MPDU1: variants seen among roughly 807,000 people sequenced by gnomAD.
MPDU1 encodes the protein mannose-P-dolichol utilization defect 1 protein.
MPDU1 carries 18 observed loss-of-function variants against 27.6 expected under a neutral mutation model. The observed-to-expected ratio is 0.65, with a 90% confidence interval of 0.45 to 0.97. MPDU1 has a LOEUF of 0.97. MPDU1 is among the 50% of genes least tolerant of loss of function. MPDU1 has a pLI of 0.00. For missense variants in MPDU1, 279 were observed against 297.4 expected, an observed-to-expected ratio of 0.94 and a Z score of 0.46; for synonymous variants, 142 against 131.1, an observed-to-expected ratio of 1.08 and a Z score of -0.57.
rs2302661 is a variant in MPDU1 at position 7,587,061 on chromosome 17, G to T, written c.507+44G>T. 32 of 1,451,758 alleles carry T rather than the reference G, an allele frequency of 2.2e-5. No individual in the cohort carries two copies. In the East Asian group the frequency reaches 3.4e-4, roughly 16 times the overall value. The allele number at this position is 1,451,758 out of a possible 1,614,324, so 89.9% of individuals were successfully genotyped here. ...GGACAAGATGTTGTGGGGGCAGGGTGGGGGGGAAGAGTAGAAGATCAAAGT... is the reference window on the plus strand; with the variant it reads ...GGACAAGATGTTGTGGGGGCAGGGTTGGGGGGAAGAGTAGAAGATCAAAGT... On this transcript the variant is annotated intron_variant, in intron 5 of 6. Coordinates refer to ENST00000250124, the MANE Select transcript of MPDU1 (RefSeq NM_004870.4).
Position 7,586,901 on chromosome 17 carries a change from G to A in MPDU1, c.391G>A (p.Val131Ile), listed in dbSNP as rs554840946. Reference sequence around the variant, plus strand: ...GACTCCTGTCTCCCCACCCCTAGGTGTCGCTTTCCTCGCTTGCTACGGCCT... The same window carrying A: ...GACTCCTGTCTCCCCACCCCTAGGTATCGCTTTCCTCGCTTGCTACGGCCT... ...MHYRGQTVKGVAFLACYGLVL... is the reference protein window; with the variant it reads ...MHYRGQTVKGIAFLACYGLVL... Residue 131 changes from valine (V) to isoleucine (I), a missense_variant and splice_region_variant, in exon 5 of 7, where the codon GTC becomes ATC. Coordinates refer to ENST00000250124, the MANE Select transcript of MPDU1 (RefSeq NM_004870.4). The A allele has an allele frequency of 1.2e-6, 2 of 1,614,058 alleles. No individual in the cohort carries two copies. Among genetic ancestry groups the A allele is most frequent in the South Asian group, 2.2e-5 (2 of 91,076 alleles).
rs1327202243 is a variant in MPDU1 at position 7,587,373 on chromosome 17, A to C, written c.619-53A>C. On this transcript the variant is annotated intron_variant, in intron 6 of 6. Transcript: ENST00000250124. Reference sequence around the variant, plus strand: ...GTGAGGAACCTTTGTCCATAAGGGAACCTTTCTTGAGCTATGCTGAAGGGT... The same window carrying C: ...GTGAGGAACCTTTGTCCATAAGGGACCCTTTCTTGAGCTATGCTGAAGGGT... 9 of 1,613,788 alleles carry C rather than the reference A, an allele frequency of 5.6e-6. No homozygotes were observed. The East Asian group carries it at 2.0e-4, about 36-fold the overall frequency.
intron 6 of MPDU1, 62 bp downstream of exon 6, chr17:7,587,333 G>A (rs1352341468): frequency 2.5e-6 from 4 of 1,613,152 alleles, no homozygotes; most frequent in South Asian, 2.2e-5. Context: ...CCCAGCTAAG[G>A]GCCAAAGCTG....
chr17:7,584,027 G>A (rs767924598), intron 1 of MPDU1, 62 bp downstream of exon 1: 1 of 1,511,724 alleles, frequency 6.6e-7, no homozygotes, highest in South Asian at 1.1e-5. Flanking sequence ...CTTAGTCCAA[G>A]CCTTGATCGG....
At chr17:7,586,853 A>G (rs902400133) in intron 4 of MPDU1, 46 bp from the exon 5 acceptor site, 2 of 1,611,686 alleles carry the variant, frequency 1.2e-6, no homozygotes, top group African/African-American at 1.3e-5. Flanking sequence ...GGGAAAGCCA[A>G]ATGATGTGGA....
At chr17:7,586,431 C>T (rs2071583476) in intron 3 of MPDU1, 1 of 538,456 alleles carries the variant, frequency 1.9e-6, no homozygotes, top group East Asian at 3.4e-5. Context: ...AAGAGCGAAA[C>T]TCAGTCTTAA....
rs2071609395 is a variant in MPDU1 at position 7,587,760 on chromosome 17, C to T, written c.*209C>T. The T allele has an allele frequency of 1.4e-6, 1 of 739,082 alleles. No individual in the cohort carries two copies. The highest frequency in any genetic ancestry group is 2.3e-6 in the Non-Finnish European group (1 of 429,860). The allele number at this position is 739,082 out of a possible 1,614,324, so 45.8% of individuals were successfully genotyped here. Reference sequence around the variant, plus strand: ...AGGATGGGGGTAGAGTCTCCCAAGCCAAAATTTTGACATTTGAGTGCTTTC... The same window carrying T: ...AGGATGGGGGTAGAGTCTCCCAAGCTAAAATTTTGACATTTGAGTGCTTTC... On this transcript the variant is annotated 3_prime_UTR_variant, in exon 7 of 7. Transcript: ENST00000250124.
intron 3 of MPDU1, 40 bp downstream of exon 3, chr17:7,586,118 A>G (rs751587666): frequency 2.1e-5 from 34 of 1,610,984 alleles, no homozygotes; most frequent in Non-Finnish European, 2.9e-5. Context: ...TAATACCCAC[A>G]ACTCTAATGG....
At chr17:7,586,243 C>T (rs915235507) in intron 3 of MPDU1, 165 bp downstream of exon 3, 11 of 788,076 alleles carry the variant, frequency 1.4e-5, no homozygotes, top group African/African-American at 6.8e-5. Flanking sequence ...GTCAGGAGTT[C>T]GAACTGGCCA....
At chr17:7,583,716 T>C (rs2150933116), upstream of MPDU1, 1 of 847,602 alleles carries the variant, frequency 1.2e-6, no homozygotes, top group African/African-American at 1.7e-5. Flanking sequence ...GCCACTAGAG[T>C]GAGGGTGGGT....
In MPDU1 at chr17:7,587,150, T is replaced by C. The variant is rs1273096744; in HGVS notation, c.508-11T>C. 3.1e-6 allele frequency: 5 copies of C among 1,613,474 alleles called. No individual in the cohort carries two copies. In the East Asian group the frequency reaches 1.1e-4, roughly 36 times the overall value. On this transcript the variant is annotated splice_polypyrimidine_tract_variant and intron_variant, in intron 5 of 6. Coordinates refer to ENST00000250124, the MANE Select transcript of MPDU1 (RefSeq NM_004870.4). Reference sequence around the variant, plus strand: ...AGGTGACAGAGCCAAAGGTCTCAACTCCTCCCCTAGCTTCTCCAGGCAGCC... The same window carrying C: ...AGGTGACAGAGCCAAAGGTCTCAACCCCTCCCCTAGCTTCTCCAGGCAGCC...
chr17:7,583,673 C>A, upstream of MPDU1: 1 of 750,960 alleles, frequency 1.3e-6, no homozygotes, highest in Non-Finnish European at 2.4e-6. Context: ...ACAGCGCGTC[C>A]AAAACGTGGT....
chr17:7,586,192 C>G (rs1163883146), intron 3 of MPDU1, 114 bp downstream of exon 3: 5 of 1,352,510 alleles, frequency 3.7e-6, no homozygotes, highest in Non-Finnish European at 5.2e-6. Flanking sequence ...GCACCTGTAA[C>G]CCCAGCACTT....
rs764189696 is a variant in MPDU1 at position 7,586,900 on chromosome 17, T to C, written c.390T>C (p.Gly130=). The C allele has an allele frequency of 1.2e-6, 2 of 1,613,794 alleles. No homozygotes were observed. The highest frequency in any genetic ancestry group is 2.2e-5 in the South Asian group (2 of 91,062). ...VMHYRGQTVK[G]VAFLACYGLV... is the part of the protein sequence containing the mutation. ...GGACTCCTGTCTCCCCACCCCTAGG[T>C]GTCGCTTTCCTCGCTTGCTACGGCC... Residue 130 remains glycine (G), a splice_region_variant and synonymous_variant, in exon 5 of 7, where the codon GGT becomes GGC. Transcript: ENST00000250124.
chr17:7,587,127 G>A (rs2071598132), intron 5 of MPDU1, 34 bp from the exon 6 acceptor site: 4 of 1,605,332 alleles, frequency 2.5e-6, no homozygotes, highest in Non-Finnish European at 3.4e-6. Context: ...AAGAGCTCAG[G>A]TGACAGAGCC....
At position 7,587,503 on chromosome 17, in the gene MPDU1, C is replaced by A; in HGVS notation, c.696C>A (p.Leu232=). The A allele has an allele frequency of 6.2e-7, 1 of 1,613,712 alleles. No homozygotes were observed. The highest frequency in any genetic ancestry group is 8.5e-7 in the Non-Finnish European group (1 of 1,179,972). The change falls in exon 7 of 7, where the codon CTC becomes CTA. Residue 232 remains leucine (L), a synonymous_variant. Transcript: ENST00000250124. ...LCNGLIAAQL[L]FYWNAKPPHK... ...ACGGCCTCATCGCCGCCCAGCTGCT[C>A]TTCTACTGGAATGCAAAGCCTCCCC...
intron 3 of MPDU1, chr17:7,586,392 T>C (rs1277318544): frequency 1.9e-6 from 1 of 516,664 alleles, no homozygotes; most frequent in African/African-American, 1.9e-5. Flanking sequence ...TGAGCCAAGA[T>C]TGCGCCACTG....
At chr17:7,583,752 G>T (rs1320147796), upstream of MPDU1, 1 of 1,106,084 alleles carries the variant, frequency 9.0e-7, no homozygotes, top group Non-Finnish European at 1.4e-6. Flanking sequence ...GGGGCACGGG[G>T]CGGGCCAGCT....
chr17:7,587,405 G>T (rs1193976264), intron 6 of MPDU1, 21 bp from the exon 7 acceptor site: 1 of 1,613,880 alleles, frequency 6.2e-7, no homozygotes, highest in African/African-American at 1.3e-5. Context: ...GGGTAACCCT[G>T]GCTCTGTCTC....
Sources: gnomAD v4.1 joint callset for allele counts on GRCh38, gnomAD v4.1.1 for gene constraint, MANE v1.5 for transcripts, NCBI Gene and HGNC (gene_info 2026-07-23, HGNC 2026-07-21) for gene names.